The following TRPM7 variants were observed in gnomAD, a reference collection of about 807,000 sequenced individuals.
The protein encoded by TRPM7 is transient receptor potential cation channel subfamily M member 7.
TRPM7 carries 134 observed loss-of-function variants against 229.7 expected under a neutral mutation model. That is an observed-to-expected ratio of 0.58 (90% CI 0.51 to 0.67). The LOEUF is 0.67. Among genes scored for constraint, TRPM7 ranks in the 30% least tolerant of loss-of-function variants. The probability of loss-of-function intolerance (pLI) is 0.00; values close to 1 mark genes in which losing one functional copy is unlikely to be tolerated. For synonymous variants in TRPM7, 699 were observed against 715.2 expected, an observed-to-expected ratio of 0.98 and a Z score of 0.36; for missense variants, 1,901 against 2,210.0, an observed-to-expected ratio of 0.86 and a Z score of 2.80.
At chr15:50,566,605 A>T (rs2053608430) in intron 38 of TRPM7, among the ~76,000 whole-genome samples, 1 of 152,174 alleles carries the variant, frequency 6.6e-6, no homozygotes, top group Non-Finnish European at 1.5e-5. Flanking sequence ...CTGAAGCAGG[A>T]GAATCGTTTG....
chr15:50,564,867 G>C (rs2053523690), intron 38 of TRPM7, among the ~76,000 whole-genome samples: 1 of 152,044 alleles, frequency 6.6e-6, no homozygotes, highest in Middle Eastern at 3.2e-3. Context: ...TGCGATTACT[G>C]TACAAAGAAC....
chr15:50,676,138 C>T (rs924835808), intron 1 of TRPM7, among the ~76,000 whole-genome samples: 9 of 152,104 alleles, frequency 5.9e-5, no homozygotes, highest in African/African-American at 1.4e-4. Context: ...CACCAGTCTA[C>T]CAGCAATAAG....
At chr15:50,644,522 G>T (rs2061201274) in intron 4 of TRPM7, among the ~76,000 whole-genome samples, 1 of 152,078 alleles carries the variant, frequency 6.6e-6, no homozygotes, top group Non-Finnish European at 1.5e-5. Flanking sequence ...AAGCCAAAAG[G>T]CCAGGCACAG....
chr15:50,650,464 G>A (rs949256287), intron 3 of TRPM7, among the ~76,000 whole-genome samples: 11 of 151,914 alleles, frequency 7.2e-5, no homozygotes, highest in Admixed American at 5.9e-4. Flanking sequence ...GGAAGCCAAG[G>A]TGGATGGATC....
chr15:50,581,096 T>C (rs953961097), intron 29 of TRPM7, among the ~76,000 whole-genome samples, 188 bp from the exon 30 acceptor site: 1 of 152,238 alleles, frequency 6.6e-6, no homozygotes, highest in Non-Finnish European at 1.5e-5. Flanking sequence ...GTAACTACCA[T>C]AAGACTATTC....
chr15:50,662,851 A>C (rs1204327291), intron 2 of TRPM7, 116 bp downstream of exon 2: 1 of 769,240 alleles, frequency 1.3e-6, no homozygotes, highest in African/African-American at 1.8e-5. Context: ...TAATTATAAA[A>C]AGTAACAGTA....
At chr15:50,641,243 G>A (rs1268600902) in intron 5 of TRPM7, among the ~76,000 whole-genome samples, 1 of 103,124 alleles carries the variant, frequency 9.7e-6, no homozygotes, top group South Asian at 3.1e-4. Flanking sequence ...GGCCTCATGC[G>A]ATGAACTGCC....
chr15:50,593,436 A>C (rs570195878), intron 25 of TRPM7, among the ~76,000 whole-genome samples, 181 bp downstream of exon 25: 219 of 152,256 alleles, frequency 1.4e-3, no homozygotes, highest in Middle Eastern at 6.8e-3. Flanking sequence ...AAAATAAGAG[A>C]CTGACCAACT....
intron 12 of TRPM7, among the ~76,000 whole-genome samples, 196 bp downstream of exon 12, chr15:50,623,970 C>T (rs1401761359): frequency 6.6e-6 from 1 of 152,044 alleles, no homozygotes; most frequent in Non-Finnish European, 1.5e-5. Flanking sequence ...GTTATGGTGA[C>T]AGGGAATGGG....
intron 13 of TRPM7, among the ~76,000 whole-genome samples, chr15:50,617,335 C>CA (rs34636418): frequency 0.45 from 31,258 of 69,276 alleles, 5,219 homozygotes; most frequent in African/African-American, 0.59. Flanking sequence ...GACTCCATCT[C>CA]AAAAAAAAAA....
At chr15:50,641,857 A>G (rs2061110809) in intron 5 of TRPM7, among the ~76,000 whole-genome samples, 1 of 151,986 alleles carries the variant, frequency 6.6e-6, no homozygotes. Context: ...AAACTTAGCC[A>G]CGTGTGGTGA....
chr15:50,624,365 G>A, intron 11 of TRPM7, 65 bp from the exon 12 acceptor site: 1 of 1,352,736 alleles, frequency 7.4e-7, no homozygotes, highest in South Asian at 1.6e-5. Context: ...ACTTTTAAAT[G>A]TTAAGTCCTT....
In TRPM7 at chr15:50,640,203, T is replaced by C. The variant is rs1320911703; in HGVS notation, c.536-655A>G. On this transcript the variant is annotated intron_variant, in intron 5 of 38. Coordinates refer to ENST00000646667, the MANE Select transcript of TRPM7 (RefSeq NM_017672.6). ...ACAATAAACAATGACAAAAGTCTATTTCAGTCAAAAATGAGAGAGAAAAGT... is the reference window on the plus strand; with the variant it reads ...ACAATAAACAATGACAAAAGTCTATCTCAGTCAAAAATGAGAGAGAAAAGT... 1.3e-5 allele frequency among the ~76,000 whole-genome samples: 2 copies of C among 152,170 alleles called. 1 individual carries two copies. The highest frequency in any genetic ancestry group is 1.3e-4 in the Admixed American group (2 of 15,268).
intron 6 of TRPM7, among the ~76,000 whole-genome samples, chr15:50,638,972 G>A (rs1261853903): frequency 2.6e-5 from 4 of 152,118 alleles, no homozygotes; most frequent in Non-Finnish European, 4.4e-5. Flanking sequence ...GAGCCACTGC[G>A]CCCAGCCAGT....
chr15:50,679,514 ATATAT>A (rs1567129198), intron 1 of TRPM7, among the ~76,000 whole-genome samples: 69 of 89,480 alleles, frequency 7.7e-4, no homozygotes, highest in Non-Finnish European at 9.3e-4. Context: ...TATATATAAT[ATATAT>A]ATATATATAT....
intron 1 of TRPM7, among the ~76,000 whole-genome samples, chr15:50,676,227 G>T (rs2062090395): frequency 6.6e-6 from 1 of 152,086 alleles, no homozygotes; most frequent in African/African-American, 2.4e-5. Context: ...CTGCCTAGAT[G>T]CTGCTAGCAA....
At chr15:50,627,190 C>T (rs1314456286) in intron 11 of TRPM7, among the ~76,000 whole-genome samples, 1 of 152,126 alleles carries the variant, frequency 6.6e-6, no homozygotes, top group Non-Finnish European at 1.5e-5. Flanking sequence ...GAAAAATATT[C>T]TTGCCCTCAG....
At chr15:50,686,407 A>G (rs2062361912) in intron 1 of TRPM7, 124 bp downstream of exon 1, 1 of 1,520,702 alleles carries the variant, frequency 6.6e-7, no homozygotes, top group Non-Finnish European at 9.1e-7. Context: ...CGGAAGCCTC[A>G]AGGCAATTCG....
rs1566969446 is a variant in TRPM7, at chr15:50,592,197, TG to T, written c.4037del (p.Pro1346GlnfsTer27). ...AVPQRKEFNF[P>X]EAGSSSGALF... Reference sequence around the variant, plus strand: ...AGGCACCAGAAGAGGAACCAGCCTCTGGAAAATTAAATTCTTTTCTCTGGGG... The same window carrying T: ...AGGCACCAGAAGAGGAACCAGCCTCTGAAAATTAAATTCTTTTCTCTGGGG... On this transcript the variant is annotated frameshift_variant, in exon 26 of 39. Coordinates refer to ENST00000646667, the MANE Select transcript of TRPM7 (RefSeq NM_017672.6). LOFTEE classifies it high-confidence loss of function. 1 of 1,614,194 alleles carries T rather than the reference TG, an allele frequency of 6.2e-7. No individual in the cohort carries two copies. The highest frequency in any genetic ancestry group is 2.2e-5 in the East Asian group (1 of 44,886).
Sources: allele counts gnomAD v4.1 joint callset (sites outside exome capture counted in the v4.1 genomes callset), GRCh38; gene constraint gnomAD v4.1.1; transcripts MANE v1.5; gene names NCBI Gene and HGNC (gene_info 2026-07-23, HGNC 2026-07-21).